The following RTCB variants were observed in gnomAD, a reference collection of about 807,000 sequenced individuals.
The protein encoded by RTCB is RNA-splicing ligase RTCB.
In RTCB, 32 loss-of-function variants were observed where a neutral mutation model predicts 58.2. The ratio of observed to expected loss-of-function variants is 0.55; its 90% confidence interval spans 0.41 to 0.74. RTCB has a LOEUF of 0.74. Ranked by LOEUF, RTCB falls within the 30% of genes least tolerant of loss-of-function variation. The probability of loss-of-function intolerance (pLI) is 0.00; values close to 1 mark genes in which losing one functional copy is unlikely to be tolerated. For synonymous variants in RTCB, 247 were observed against 218.6 expected (o/e 1.13, Z -1.15); for missense variants, 523 against 639.0 (o/e 0.82, Z 1.96).
Position 32,401,860 on chromosome 22 carries a change from T to C in RTCB, c.384A>G (p.Arg128=), listed in dbSNP as rs761297061. ...GGACATCACTTTCATCTAAATTGGT[T>C]CTTAGCAAGCGGACACCACAGTTGA... ...FDINCGVRLL[R]TNLDESDVQP... is the part of the protein sequence containing the mutation. The change falls in exon 5 of 12, where the codon AGA becomes AGG. Residue 128 remains arginine (R), a synonymous_variant. Coordinates refer to ENST00000216038, the MANE Select transcript of RTCB (RefSeq NM_014306.5). The C allele has an allele frequency of 1.9e-6, 3 of 1,614,004 alleles. No individual in the cohort carries two copies. The African/African-American group carries it at 4.0e-5, about 22-fold the overall frequency.
At chr22:32,409,028 T>C (rs5754074) in intron 1 of RTCB, among the ~76,000 whole-genome samples, 195 bp from the exon 2 acceptor site, 18,895 of 152,126 alleles carry the variant, frequency 0.12, 1,570 homozygotes, top group Non-Finnish European at 0.19. Context: ...TTAAGAAAAA[T>C]TCTGCAATGT....
At chr22:32,408,717 C>G in intron 2 of RTCB, 38 bp downstream of exon 2, 1 of 1,456,248 alleles carries the variant, frequency 6.9e-7, no homozygotes. Context: ...AGGGAAGGCA[C>G]TACCGTACTA....
At chr22:32,398,261 AAT>A (rs1933278464) in intron 6 of RTCB, among the ~76,000 whole-genome samples, 161 bp from the exon 7 acceptor site, 1 of 152,234 alleles carries the variant, frequency 6.6e-6, no homozygotes, top group South Asian at 2.1e-4. Context: ...TTTCATTTAC[AAT>A]ATTCTACACA....
intron 8 of RTCB, among the ~76,000 whole-genome samples, chr22:32,395,850 A>G (rs1164450105): frequency 6.6e-6 from 1 of 152,026 alleles, no homozygotes; most frequent in Non-Finnish European, 1.5e-5. Context: ...ACCCGCCACG[A>G]CGACCAGCTA....
At chr22:32,393,093 C>G (rs973193816) in intron 10 of RTCB, among the ~76,000 whole-genome samples, 5 of 152,172 alleles carry the variant, frequency 3.3e-5, no homozygotes, top group Non-Finnish European at 5.9e-5. Flanking sequence ...TGCCACCACA[C>G]CCGGCTAATT....
At position 32,392,273 on chromosome 22, in the gene RTCB, G is replaced by T; in HGVS notation, c.1377C>A (p.Ile459=). The stretch of plus-strand genomic sequence containing the variant: ...TAACCAGTTTGGGTGAGGCAACACG[G>T]ATCGCAATTCCCATATCTGCCAATT... ...LDKLADMGIA[I]RVASPKLVME... The change falls in exon 11 of 12, where the codon ATC becomes ATA. Residue 459 remains isoleucine (I), a synonymous_variant. Coordinates refer to ENST00000216038, the MANE Select transcript of RTCB (RefSeq NM_014306.5). The T allele has an allele frequency of 6.2e-7, 1 of 1,613,918 alleles. No individual in the cohort carries two copies. The highest frequency in any genetic ancestry group is 8.5e-7 in the Non-Finnish European group (1 of 1,179,976).
At chr22:32,404,840 C>T (rs184488120) in intron 4 of RTCB, among the ~76,000 whole-genome samples, 112 of 151,428 alleles carry the variant, frequency 7.4e-4, no homozygotes, top group African/African-American at 1.8e-3. Flanking sequence ...CCCCCATGCC[C>T]GGCTAATTTT....
At chr22:32,403,442 G>A (rs1219066575) in intron 4 of RTCB, among the ~76,000 whole-genome samples, 2 of 152,090 alleles carry the variant, frequency 1.3e-5, no homozygotes, top group Non-Finnish European at 2.9e-5. Flanking sequence ...ATATATTTAG[G>A]TGTACACAAT....
At chr22:32,401,997 CT>C (rs1406520277) in intron 4 of RTCB, 94 bp from the exon 5 acceptor site, 4 of 1,255,654 alleles carry the variant, frequency 3.2e-6, no homozygotes, top group Admixed American at 2.4e-5. Flanking sequence ...GATACCCATT[CT>C]TTTAAAGATA....
chr22:32,408,172 C>T lies in RTCB; in HGVS notation c.240+3G>A, dbSNP rs1933459429. ...ATGATTAAAGTTCTGAACTCTGACTCACATGAACAATTCCAGGCAGGGCTG... is the reference window on the plus strand; with the variant it reads ...ATGATTAAAGTTCTGAACTCTGACTTACATGAACAATTCCAGGCAGGGCTG... On this transcript the variant is annotated splice_donor_region_variant and intron_variant, in intron 3 of 11. Coordinates refer to ENST00000216038, the MANE Select transcript of RTCB (RefSeq NM_014306.5). The T allele has an allele frequency of 5.6e-6, 9 of 1,613,712 alleles. No homozygotes were observed. The East Asian group carries it at 2.0e-4, about 36-fold the overall frequency.
At chr22:32,393,123 C>T (rs774825348) in intron 10 of RTCB, among the ~76,000 whole-genome samples, 3 of 152,114 alleles carry the variant, frequency 2.0e-5, no homozygotes, top group Admixed American at 6.5e-5. Context: ...TTTGTGGAGA[C>T]GGTGTCTTGC....
intron 8 of RTCB, among the ~76,000 whole-genome samples, chr22:32,395,438 T>G (rs1456510788): frequency 6.6e-6 from 1 of 152,240 alleles, no homozygotes; most frequent in Non-Finnish European, 1.5e-5. Flanking sequence ...GAAAAGCTGC[T>G]GGGCAACTTT....
At chr22:32,399,494 A>G in intron 6 of RTCB, 109 bp downstream of exon 6, 1 of 1,080,060 alleles carries the variant, frequency 9.3e-7, no homozygotes, top group Non-Finnish European at 1.3e-6. Flanking sequence ...GATATACCAT[A>G]AAAAAACCTG....
intron 3 of RTCB, 83 bp downstream of exon 3, chr22:32,408,092 G>T: frequency 7.9e-7 from 1 of 1,261,022 alleles, no homozygotes; most frequent in South Asian, 1.3e-5. Flanking sequence ...TTGTCTAAAT[G>T]ACACCACTAT....
intron 4 of RTCB, among the ~76,000 whole-genome samples, chr22:32,403,797 ATACAT>A (rs1933377719): frequency 6.6e-6 from 1 of 152,356 alleles, no homozygotes; most frequent in African/African-American, 2.4e-5. Flanking sequence ...TCACTATGTT[ATACAT>A]TAGATTTCCA....
At position 32,409,075 on chromosome 22, in the gene RTCB, C is replaced by T. The variant is rs116950252; in HGVS notation, c.94-242G>A. Among the ~76,000 whole-genome samples the T allele has an allele frequency of 4.6e-5, 7 of 152,200 alleles. No individual in the cohort carries two copies. In the East Asian group the frequency reaches 5.8e-4, roughly 13 times the overall value. ...TTTGTTTATTCTCATACCCTCAAAA[C>T]CACATTTAAGAATTCAACAGATTCA... On this transcript the variant is annotated intron_variant, in intron 1 of 11. Coordinates refer to ENST00000216038, the MANE Select transcript of RTCB (RefSeq NM_014306.5).
chr22:32,402,948 T>C (rs538448875), intron 4 of RTCB, among the ~76,000 whole-genome samples: 2 of 152,178 alleles, frequency 1.3e-5, no homozygotes, highest in African/African-American at 2.4e-5. Context: ...TTTCACCATG[T>C]TTCCTAGGCC....
intron 6 of RTCB, 98 bp from the exon 7 acceptor site, chr22:32,398,198 T>G (rs1375780433): frequency 1.5e-6 from 2 of 1,345,186 alleles, no homozygotes; most frequent in Non-Finnish European, 2.1e-6. Flanking sequence ...AACAACAAAA[T>G]AAACATACAA....
chr22:32,403,339 G>A (rs1011000263), intron 4 of RTCB, among the ~76,000 whole-genome samples: 2 of 152,020 alleles, frequency 1.3e-5, no homozygotes, highest in African/African-American at 2.4e-5. Flanking sequence ...CCCAGAAGGC[G>A]GAGCTTGCAG....
Sources: allele counts gnomAD v4.1 joint callset (sites outside exome capture counted in the v4.1 genomes callset), GRCh38; gene constraint gnomAD v4.1.1; transcripts MANE v1.5; gene names NCBI Gene and HGNC (gene_info 2026-07-23, HGNC 2026-07-21).